Variants in ADCY9 observed in about 807,000 individuals in gnomAD.
ADCY9 encodes adenylate cyclase type 9.
In ADCY9, 50 loss-of-function variants were observed where a neutral mutation model predicts 101.5. The ratio of observed to expected loss-of-function variants is 0.49; its 90% CI spans 0.39 to 0.62. The LOEUF is 0.62. Among genes scored for constraint, ADCY9 ranks in the 20% least tolerant of loss-of-function variants. ADCY9 has a pLI of 0.00. For synonymous variants in ADCY9, 905 were observed against 769.3 expected (o/e 1.18, Z -2.92); for missense variants, 1,662 against 1,800.4 (o/e 0.92, Z 1.39).
chr16:3,955,108 T>C (rs1431141338), intron 5 of ADCY9, among the ~76,000 whole-genome samples: 5 of 152,044 alleles, frequency 3.3e-5, no homozygotes, highest in African/African-American at 9.6e-5. Context: ...CCAGAAGAAT[T>C]TGGGTCACGG....
intron 2 of ADCY9, among the ~76,000 whole-genome samples, chr16:4,045,805 C>T (rs1480378377): frequency 2.7e-5 from 4 of 150,872 alleles, no homozygotes; most frequent in Admixed American, 2.6e-4. Context: ...CTCAAGTGAT[C>T]CTTTCACCTC....
intron 2 of ADCY9, among the ~76,000 whole-genome samples, chr16:4,018,562 C>A (rs2238452): frequency 0.096 from 14,615 of 152,194 alleles, 886 homozygotes; most frequent in East Asian, 0.29. Context: ...CATGCCGCTG[C>A]CTTCACCACC....
chr16:3,969,580 ATATATATATATATAT>A (rs2056030519), intron 10 of ADCY9, among the ~76,000 whole-genome samples: 4 of 34,654 alleles, frequency 1.2e-4, no homozygotes, highest in African/African-American at 6.9e-4. Context: ...ATATATATAT[ATATATATATATATAT>A]ATATATATAT....
intron 2 of ADCY9, among the ~76,000 whole-genome samples, chr16:4,061,014 T>C (rs2056770541): frequency 6.6e-6 from 1 of 151,906 alleles, no homozygotes; most frequent in South Asian, 2.1e-4. Flanking sequence ...AGAATACTAA[T>C]AAAGAGACAG....
chr16:4,114,141 C>G lies in ADCY9; in HGVS notation c.1302G>C (p.Lys434Asn). 6.2e-7 allele frequency: 1 copy of G among 1,613,918 alleles called. No homozygotes were observed. Among genetic ancestry groups the G allele is most frequent in the Non-Finnish European group, 8.5e-7 (1 of 1,180,052 alleles). ...CTCCCAGGGTGCTGATTTTCTCACA[C>G]TTGGTCTCCTCACACAGGCGGTCGA... is the stretch of plus-strand genomic sequence containing the variant. ...GRFDRLCEET[K>N]CEKISTLGDC... Residue 434 changes from lysine (K) to asparagine (N), a missense_variant, in exon 2 of 11, where the codon AAG (lysine) becomes AAC (asparagine). Around this residue, in one of 5 missense-constraint regions of ADCY9, gnomAD observed 228 missense variants for 301.1 expected, o/e 0.76. Transcript: ENST00000294016. The surrounding 1 kb of genome is among the most constrained non-coding windows in gnomAD (Gnocchi z 4.3).
intron 7 of ADCY9, among the ~76,000 whole-genome samples, chr16:3,980,836 G>A (rs1339817405): frequency 3.3e-5 from 5 of 152,250 alleles, no homozygotes; most frequent in African/African-American, 1.2e-4. Context: ...GGAAAGATGT[G>A]AGGTTGGAGG....
intron 10 of ADCY9, among the ~76,000 whole-genome samples, chr16:3,969,875 G>T (rs192822718): frequency 1.4e-4 from 21 of 150,810 alleles, no homozygotes; most frequent in African/African-American, 5.1e-4. Flanking sequence ...TGCCTCCCCA[G>T]TGTGCTGGAA....
rs746163052 is a variant in ADCY9, at chr16:4,114,911, C to A, written c.532G>T (p.Ala178Ser). 1 of 1,613,824 alleles carries A rather than the reference C, an allele frequency of 6.2e-7. No individual in the cohort carries two copies. The highest frequency in any genetic ancestry group is 1.7e-5 in the Admixed American group (1 of 60,024). ...AGGGCGAACACCAGCAGGGTGAGAG[C>A]CAGCGAGGTCCACGCGTAATGCCGG... Reference protein sequence around the residue: ...YARHYAWTSLALTLLVFALTL... With the variant: ...YARHYAWTSLSLTLLVFALTL... Residue 178 changes from alanine (A) to serine (S), a missense_variant, in exon 2 of 11, where the codon GCT becomes TCT. Transcript: ENST00000294016. This position sits in a 1 kb window ranked among gnomAD's most constrained non-coding sequence, Gnocchi z 4.3.
downstream of ADCY9, among the ~76,000 whole-genome samples, chr16:3,960,218 T>C (rs529722489): frequency 4.0e-3 from 603 of 151,536 alleles, 8 homozygotes; most frequent in African/African-American, 0.014. Context: ...CCTGAAATTA[T>C]ATATAAAATC....
intron 7 of ADCY9, 189 bp downstream of exon 7, chr16:3,983,043 T>A (rs1016660801): frequency 4.8e-6 from 3 of 624,966 alleles, no homozygotes; most frequent in Non-Finnish European, 8.2e-6. Context: ...TCCCCCCGCA[T>A]CTGGGCCAAC....
intron 2 of ADCY9, among the ~76,000 whole-genome samples, chr16:4,075,810 G>C (rs2141173755): frequency 6.6e-6 from 1 of 150,448 alleles, no homozygotes; most frequent in South Asian, 2.1e-4. Flanking sequence ...GATCTTGTAA[G>C]GTGGGCAGGG....
At chr16:3,971,030 G>C (rs866202018) in intron 10 of ADCY9, among the ~76,000 whole-genome samples, 1 of 152,048 alleles carries the variant, frequency 6.6e-6, no homozygotes, top group Non-Finnish European at 1.5e-5. Flanking sequence ...TGATAAGAGC[G>C]GCTCACACTG....
chr16:4,038,582 G>A (rs990693100), intron 2 of ADCY9, among the ~76,000 whole-genome samples: 1 of 152,162 alleles, frequency 6.6e-6, no homozygotes, highest in Non-Finnish European at 1.5e-5. Flanking sequence ...TGTTGCAGCA[G>A]TAAAACGGAC....
chr16:4,011,117 C>T (rs1052160026), intron 2 of ADCY9, among the ~76,000 whole-genome samples: 9 of 152,086 alleles, frequency 5.9e-5, no homozygotes, highest in East Asian at 5.8e-4. Flanking sequence ...AACTGAAAGA[C>T]GGGGCGAGGT....
intron 2 of ADCY9, among the ~76,000 whole-genome samples, chr16:4,025,967 A>G (rs1248399825): frequency 6.6e-6 from 1 of 152,224 alleles, no homozygotes; most frequent in Non-Finnish European, 1.5e-5. Flanking sequence ...GACAGCTGAC[A>G]GTGGGCGCTG....
chr16:4,013,246 T>G (rs2056415332), intron 2 of ADCY9, among the ~76,000 whole-genome samples: 8 of 23,594 alleles, frequency 3.4e-4, no homozygotes, highest in Non-Finnish European at 2.7e-4. Context: ...AGACCCTGTC[T>G]CAAAAAAAAA....
chr16:4,084,039 C>T (rs773462380), intron 2 of ADCY9, among the ~76,000 whole-genome samples: 1 of 152,072 alleles, frequency 6.6e-6, no homozygotes, highest in Non-Finnish European at 1.5e-5. Flanking sequence ...CTTTTTGACA[C>T]AGGGTCTCAC....
intron 2 of ADCY9, among the ~76,000 whole-genome samples, chr16:4,028,780 CTTTTTTTCTTT>C (rs1001424944): frequency 5.3e-5 from 8 of 151,724 alleles, no homozygotes; most frequent in South Asian, 2.1e-4. Context: ...TATCTATTTT[CTTTTTTTCTTT>C]TTTTTTTCTT....
In ADCY9 at chr16:4,043,545, G is replaced by A. The variant is rs1597187158; in HGVS notation, c.1694-35987C>T. Among the ~76,000 whole-genome samples, 3 of 151,108 alleles carry A rather than the reference G, an allele frequency of 2.0e-5. No homozygotes were observed. The South Asian group carries it at 6.3e-4, about 32-fold the overall frequency. On this transcript the variant is annotated intron_variant, in intron 2 of 10. Coordinates refer to ENST00000294016, the MANE Select transcript of ADCY9 (RefSeq NM_001116.4). ...AAAAATTAGCCAGGCATGGTGGCAC[G>A]TGCCTGTAATCTCAGCTGCCCGTAA...
Sources: allele counts gnomAD v4.1 joint callset (sites outside exome capture counted in the v4.1 genomes callset), GRCh38; gene constraint gnomAD v4.1.1; regional missense constraint gnomAD v4.1.1; non-coding constraint Gnocchi (gnomAD v3.1); transcripts MANE v1.5; gene names NCBI Gene and HGNC (gene_info 2026-07-23, HGNC 2026-07-21).